Variants in ALDOA observed in about 807,000 individuals in gnomAD.
The protein encoded by ALDOA is fructose-bisphosphate aldolase A.
A neutral mutation model predicts 43.9 loss-of-function variants in ALDOA; 26 were observed. That is an observed-to-expected ratio of 0.59 (90% CI 0.43 to 0.82). ALDOA has a LOEUF of 0.82. Ranked by LOEUF, ALDOA falls within the 40% of genes least tolerant of loss-of-function variation. The pLI, the probability that ALDOA is intolerant of heterozygous loss-of-function variation, is 0.00. For synonymous variants in ALDOA, 258 were observed against 222.6 expected (o/e 1.16, Z -1.42); for missense variants, 498 against 549.5 (o/e 0.91, Z 0.94).
chr16:30,064,316 CACCATCACCG>C, upstream of ALDOA: 1 of 398,418 alleles, frequency 2.5e-6, no homozygotes. Flanking sequence ...TCAGAACAGC[CACCATCACCG>C]CAGGGAGTCA....
intron 1 of ALDOA, among the ~76,000 whole-genome samples, chr16:30,066,654 T>C (rs149829776): frequency 9.6e-4 from 146 of 152,304 alleles, no homozygotes; most frequent in African/African-American, 3.1e-3. Context: ...TGGGATGTCC[T>C]TGAAGCCTTG....
At chr16:30,064,365 A>T (rs756192521), upstream of ALDOA, 2 of 398,698 alleles carry the variant, frequency 5.0e-6, no homozygotes, top group Non-Finnish European at 8.8e-6. Context: ...AGAAGGAGCC[A>T]GGGAGGGTGG....
upstream of ALDOA, among the ~76,000 whole-genome samples, chr16:30,065,414 C>G (rs1180706961): frequency 1.3e-5 from 2 of 152,176 alleles, no homozygotes; most frequent in Non-Finnish European, 2.9e-5. Context: ...CCTTCGTTTC[C>G]GACTTTTCCA....
Position 30,068,691 on chromosome 16 carries a change from A to G in ALDOA, c.532A>G (p.Thr178Ala), listed in dbSNP as rs1343401491. Residue 178 changes from threonine (T) to alanine (A), a missense_variant, in exon 5 of 10, where the codon ACC (threonine) becomes GCC (alanine). Transcript: ENST00000642816. Reference protein sequence around the residue: ...VPLAGTNGETTTQGLDGLSER... With the variant: ...VPLAGTNGETATQGLDGLSER... ...CCTGGCAGGGACAAATGGCGAGACT[A>G]CCACCCAAGGTGAGAACTGTTTGAT... is the stretch of plus-strand genomic sequence containing the variant. The G allele has an allele frequency of 2.5e-6, 4 of 1,614,102 alleles. No homozygotes were observed. The highest frequency in any genetic ancestry group is 1.7e-5 in the Admixed American group (1 of 60,006).
intron 7 of ALDOA, 44 bp from the exon 8 acceptor site, chr16:30,069,455 C>G: frequency 6.2e-7 from 1 of 1,613,960 alleles, no homozygotes; most frequent in Non-Finnish European, 8.5e-7. Flanking sequence ...AACCCCTATC[C>G]TCTCCTCCAC....
At chr16:30,069,807 C>G in intron 8 of ALDOA, 23 bp from the exon 9 acceptor site, 1 of 1,613,906 alleles carries the variant, frequency 6.2e-7, no homozygotes, top group Non-Finnish European at 8.5e-7. Flanking sequence ...CACAGCCCCT[C>G]TCGCCTCACC....
chr16:30,066,744 C>G (rs1567321948), intron 1 of ALDOA, 141 bp from the exon 2 acceptor site: 1 of 909,348 alleles, frequency 1.1e-6, no homozygotes, highest in African/African-American at 1.7e-5. Flanking sequence ...GTTCTAATCT[C>G]AGATCTGGCT....
chr16:30,068,464 A>C (rs2072198594), intron 4 of ALDOA, 182 bp from the exon 5 acceptor site: 2 of 702,086 alleles, frequency 2.8e-6, no homozygotes, highest in African/African-American at 1.8e-5. Context: ...CTGGGGCTAA[A>C]GAAGAGGAAA....
intron 3 of ALDOA, 37 bp from the exon 4 acceptor site, chr16:30,067,413 G>A: frequency 6.2e-7 from 1 of 1,613,828 alleles, no homozygotes; most frequent in Non-Finnish European, 8.5e-7. Flanking sequence ...GTTGGGAGTG[G>A]CAGGCTGATC....
chr16:30,068,620 T>C (rs748584064), intron 4 of ALDOA, 26 bp from the exon 5 acceptor site: 3 of 1,613,804 alleles, frequency 1.9e-6, no homozygotes, highest in East Asian at 2.2e-5. Flanking sequence ...TCCTGTGTCT[T>C]AATGTTGTTA....
At chr16:30,064,483 G>A, upstream of ALDOA, 1 of 398,700 alleles carries the variant, frequency 2.5e-6, no homozygotes, top group Non-Finnish European at 4.4e-6. Context: ...GATTTCCAAG[G>A]AAGAATTTCC....
Position 30,069,559 on chromosome 16 carries a change from C to T in ALDOA, c.847C>T (p.Leu283=), listed in dbSNP as rs11553109. ...CCACATCTACCTGGAAGGCACCTTGCTGAAGCCCAACATGGTCACCCCAGG... is the reference window on the plus strand; with the variant it reads ...CCACATCTACCTGGAAGGCACCTTGTTGAAGCCCAACATGGTCACCCCAGG... ...DHHIYLEGTL[L]KPNMVTPGHA... Residue 283 remains leucine (L), a synonymous_variant, in exon 8 of 10, where the codon CTG becomes TTG. Transcript: ENST00000642816. 3 of 1,614,150 alleles carry T rather than the reference C, an allele frequency of 1.9e-6. No homozygotes were observed. The Admixed American group carries it at 5.0e-5, about 27-fold the overall frequency.
chr16:30,068,737 C>G (rs1281420432), intron 5 of ALDOA, 37 bp downstream of exon 5: 1 of 1,614,118 alleles, frequency 6.2e-7, no homozygotes. Context: ...ACGAACCCAA[C>G]CAGAGCAGGT....
chr16:30,066,844 T>A (rs1400324943), intron 1 of ALDOA, 41 bp from the exon 2 acceptor site: 1 of 1,531,356 alleles, frequency 6.5e-7, no homozygotes, highest in Non-Finnish European at 8.8e-7. Flanking sequence ...TGATTCACGA[T>A]CTTTACATTC....
chr16:30,064,691 T>C (rs1192655035), upstream of ALDOA: 1 of 380,572 alleles, frequency 2.6e-6, no homozygotes, highest in East Asian at 3.7e-5. Flanking sequence ...GGGACACATG[T>C]GGGGCGGGCA....
Position 30,067,313 on chromosome 16 carries a change from C to G in ALDOA, c.221C>G (p.Ala74Gly). ...CAGAAGAAGGAGCTGTCTGACATCG[C>G]TCACCGCATCGTGGCACCTGGCAAG... The part of the protein sequence containing the change: ...PEQKKELSDI[A>G]HRIVAPGKGI... The change falls in exon 3 of 10, where the codon GCT becomes GGT. Residue 74 changes from alanine to glycine, a missense_variant. Physicochemically the swap from Ala to Gly is moderately conservative, Grantham distance 60 (BLOSUM62 0). Coordinates refer to ENST00000642816, the MANE Select transcript of ALDOA (RefSeq NM_001243177.4). The G allele has an allele frequency of 6.2e-7, 1 of 1,613,342 alleles. No homozygotes were observed.
At chr16:30,064,354 G>A (rs1407451295), upstream of ALDOA, 3 of 398,728 alleles carry the variant, frequency 7.5e-6, no homozygotes, top group African/African-American at 6.2e-5. Flanking sequence ...AGGGAGATTA[G>A]AGAAGGAGCC....
chr16:30,068,478 G>A (rs963349969), intron 4 of ALDOA, 168 bp from the exon 5 acceptor site: 9 of 744,304 alleles, frequency 1.2e-5, no homozygotes, highest in South Asian at 1.0e-4. Flanking sequence ...GAGGAAAGAG[G>A]GGCACGCCCA....
upstream of ALDOA, chr16:30,064,541 C>G (rs1596802766): frequency 5.0e-6 from 2 of 398,726 alleles, no homozygotes; most frequent in East Asian, 3.6e-5. Flanking sequence ...ATCAATAGGG[C>G]CGACCCAAGT....
Sources: gnomAD v4.1 joint callset for allele counts (sites outside exome capture counted in the v4.1 genomes callset) on GRCh38, gnomAD v4.1.1 for gene constraint, MANE v1.5 for transcripts, NCBI Gene and HGNC (gene_info 2026-07-23, HGNC 2026-07-21) for gene names.